ATP8B4: variants seen among roughly 807,000 people sequenced by gnomAD.
The protein encoded by ATP8B4 is probable phospholipid-transporting ATPase IM.
ATP8B4 carries 133 observed loss-of-function variants against 145.6 expected under a neutral mutation model. That is an observed-to-expected ratio of 0.91 (90% CI 0.79 to 1.05). The LOEUF is 1.05. Ranked by LOEUF, ATP8B4 falls within the 50% of genes least tolerant of loss-of-function variation. The probability of loss-of-function intolerance (pLI) is 0.00; values close to 1 mark genes in which losing one functional copy is unlikely to be tolerated. For missense variants in ATP8B4, 1,458 were observed against 1,425.2 expected, an observed-to-expected ratio of 1.02 and a Z score of -0.37; for synonymous variants, 507 against 492.9, an observed-to-expected ratio of 1.03 and a Z score of -0.38.
At chr15:49,878,388 A>C in intron 24 of ATP8B4, among the ~76,000 whole-genome samples, 1 of 152,212 alleles carries the variant, frequency 6.6e-6, no homozygotes, top group Non-Finnish European at 1.5e-5. Flanking sequence ...CTACAAAGCC[A>C]GCCAAATGGG....
At chr15:49,905,137 G>A (rs1210301293) in intron 20 of ATP8B4, among the ~76,000 whole-genome samples, 1 of 152,154 alleles carries the variant, frequency 6.6e-6, no homozygotes, top group Non-Finnish European at 1.5e-5. Flanking sequence ...AATTAACCCA[G>A]GACTCAAAGT....
chr15:50,134,886 C>T (rs1778913928), intron 1 of ATP8B4, among the ~76,000 whole-genome samples: 1 of 152,148 alleles, frequency 6.6e-6, no homozygotes, highest in Admixed American at 6.5e-5. Context: ...TTCTGCATAC[C>T]AATGCTCAGC....
At chr15:50,126,536 C>G (rs184000991) in intron 1 of ATP8B4, among the ~76,000 whole-genome samples, 1 of 152,302 alleles carries the variant, frequency 6.6e-6, no homozygotes, top group Non-Finnish European at 1.5e-5. Flanking sequence ...GGTCATATGT[C>G]AAGATGTTAT....
intron 17 of ATP8B4, among the ~76,000 whole-genome samples, chr15:49,922,022 A>G (rs920829738): frequency 1.3e-4 from 20 of 152,256 alleles, no homozygotes; most frequent in Non-Finnish European, 2.5e-4. Flanking sequence ...ATAAGATGAC[A>G]TTACAAAAGG....
intron 2 of ATP8B4, among the ~76,000 whole-genome samples, chr15:50,105,346 CAT>C (rs781039314): frequency 4.6e-5 from 7 of 150,958 alleles, no homozygotes; most frequent in Non-Finnish European, 7.4e-5. Context: ...TAAGGAAGCA[CAT>C]GTGGCAAAAT....
chr15:49,965,728 G>T (rs1298935632), intron 13 of ATP8B4, among the ~76,000 whole-genome samples: 1 of 152,098 alleles, frequency 6.6e-6, no homozygotes, highest in African/African-American at 2.4e-5. Flanking sequence ...ATAAAATGCT[G>T]CCCTTACTGA....
chr15:49,900,516 T>G (rs987730838), intron 21 of ATP8B4, among the ~76,000 whole-genome samples: 4 of 152,226 alleles, frequency 2.6e-5, no homozygotes, highest in Middle Eastern at 3.2e-3. Context: ...TTGTTCAAGA[T>G]TCAGAATCTG....
At chr15:49,898,541 G>C (rs2037672462) in intron 21 of ATP8B4, among the ~76,000 whole-genome samples, 1 of 152,158 alleles carries the variant, frequency 6.6e-6, no homozygotes, top group Admixed American at 6.5e-5. Flanking sequence ...GAGAGAGAGA[G>C]TTAAATGCTG....
At chr15:50,131,776 GAAATAT>G (rs1303645869) in intron 1 of ATP8B4, among the ~76,000 whole-genome samples, 1 of 147,510 alleles carries the variant, frequency 6.8e-6, no homozygotes, top group Non-Finnish European at 1.5e-5. Context: ...AATATTAACT[GAAATAT>G]AAATATTTTA....
chr15:50,014,109 C>T (rs2048916362), intron 6 of ATP8B4, among the ~76,000 whole-genome samples: 1 of 152,150 alleles, frequency 6.6e-6, no homozygotes, highest in African/African-American at 2.4e-5. Flanking sequence ...TTCTAATGCT[C>T]CTGATTTCCC....
intron 2 of ATP8B4, among the ~76,000 whole-genome samples, chr15:50,099,348 G>C (rs945662949): frequency 6.6e-6 from 1 of 151,996 alleles, no homozygotes; most frequent in African/African-American, 2.4e-5. Context: ...AGCACAATCA[G>C]AGCTCACTGA....
In ATP8B4 at chr15:49,897,965, GC is replaced by G. The variant is rs376111714; in HGVS notation, c.2473+102del. ...AGTATCATTCATTTTAGAATCACTG[GC>G]AAAATTAAATTTTAATGCAATCTAG... is the stretch of plus-strand genomic sequence containing the variant. On this transcript the variant is annotated intron_variant, in intron 22 of 27. Coordinates refer to ENST00000284509, the MANE Select transcript of ATP8B4 (RefSeq NM_024837.4). 12 of 1,296,654 alleles carry G rather than the reference GC, an allele frequency of 9.3e-6. No homozygotes were observed. In the African/African-American group the frequency reaches 1.5e-4, roughly 16 times the overall value. 80.3% of individuals were successfully genotyped at this position (1,296,654 alleles called of 1,614,324 possible).
intron 2 of ATP8B4, among the ~76,000 whole-genome samples, chr15:50,091,993 T>G (rs1452825117): frequency 6.6e-6 from 1 of 152,064 alleles, no homozygotes; most frequent in African/African-American, 2.4e-5. Context: ...AAAAGAGAAA[T>G]GTATTAAAGT....
At chr15:49,970,711 G>C (rs2045030655) in intron 13 of ATP8B4, among the ~76,000 whole-genome samples, 1 of 152,154 alleles carries the variant, frequency 6.6e-6, no homozygotes, top group South Asian at 2.1e-4. Flanking sequence ...GTAATTTATA[G>C]ATTCAGTGCT....
chr15:50,010,266 A>T (rs2048630479), intron 7 of ATP8B4, among the ~76,000 whole-genome samples: 1 of 152,138 alleles, frequency 6.6e-6, no homozygotes, highest in East Asian at 1.9e-4. Context: ...TAGTGATTAG[A>T]CTAATCCCTT....
intron 14 of ATP8B4, among the ~76,000 whole-genome samples, chr15:49,948,563 C>T (rs1274237792): frequency 6.6e-6 from 1 of 151,732 alleles, no homozygotes; most frequent in Non-Finnish European, 1.5e-5. Flanking sequence ...GCCTGTTGAG[C>T]TTTTTTTCAT....
At chr15:49,953,356 C>T (rs780238772) in intron 14 of ATP8B4, among the ~76,000 whole-genome samples, 1 of 152,134 alleles carries the variant, frequency 6.6e-6, no homozygotes, top group African/African-American at 2.4e-5. Flanking sequence ...CACCCCTCCC[C>T]CTAGGGGCTC....
intron 13 of ATP8B4, among the ~76,000 whole-genome samples, chr15:49,968,835 C>T (rs1293007619): frequency 1.3e-5 from 2 of 152,202 alleles, no homozygotes; most frequent in Admixed American, 6.5e-5. Context: ...TTCTCAGCAC[C>T]ACATTGCATT....
rs1237004656 is a variant in ATP8B4, at chr15:50,047,365, G to A, written c.187C>T (p.Leu63Phe). 6.4e-7 allele frequency: 1 copy of A among 1,564,292 alleles called. No homozygotes were observed. The highest frequency in any genetic ancestry group is 1.4e-5 in the African/African-American group (1 of 73,708). The change falls in exon 4 of 28, where the codon CTT becomes TTT. Residue 63 changes from leucine (L) to phenylalanine (F), a missense_variant. By Grantham distance (22) the Leu-to-Phe change is conservative. Transcript: ENST00000284509. ...QRVANAYFLC[L>F]LILQLIPEIS... is the part of the protein sequence containing the mutation. ...CTAAATATTACCTGTAAAATCAGAA[G>A]GCAAAGAAAATAGGCATTTGCCACT...
Sources: gnomAD v4.1 joint callset for allele counts (sites outside exome capture counted in the v4.1 genomes callset) on GRCh38, gnomAD v4.1.1 for gene constraint, MANE v1.5 for transcripts, NCBI Gene and HGNC (gene_info 2026-07-23, HGNC 2026-07-21) for gene names.